Variants in TMEM232 observed in about 807,000 individuals in gnomAD.
The protein encoded by TMEM232 is transmembrane protein 232.
TMEM232 carries 80 observed loss-of-function variants against 78.8 expected under a neutral mutation model. The observed-to-expected ratio is 1.01, with a 90% confidence interval of 0.85 to 1.22. TMEM232 has a LOEUF of 1.22. Among genes scored for constraint, TMEM232 ranks in the 50% most tolerant of loss-of-function variants. The pLI, the probability that TMEM232 is intolerant of heterozygous loss-of-function variation, is 0.00. For missense variants in TMEM232, 881 were observed against 742.2 expected, an observed-to-expected ratio of 1.19 and a Z score of -2.17; for synonymous variants, 297 against 254.3, an observed-to-expected ratio of 1.17 and a Z score of -1.60.
At chr5:110,584,717 C>A (rs939037360) in intron 10 of TMEM232, among the ~76,000 whole-genome samples, 9 of 151,934 alleles carry the variant, frequency 5.9e-5, no homozygotes, top group African/African-American at 2.2e-4. Flanking sequence ...CATTTCTGGA[C>A]CATATTAAAT....
chr5:110,644,988 T>G (rs9326805), intron 2 of TMEM232, among the ~76,000 whole-genome samples: 11,402 of 151,290 alleles, frequency 0.075, 544 homozygotes, highest in South Asian at 0.2. Context: ...CTAGAAGAAA[T>G]GAATAAATTC....
intron 10 of TMEM232, among the ~76,000 whole-genome samples, chr5:110,580,401 G>A (rs985774663): frequency 1.3e-5 from 2 of 151,642 alleles, no homozygotes; most frequent in Admixed American, 6.6e-5. Context: ...TGTAGCCTAG[G>A]AGCAATAGGC....
chr5:110,609,130 T>C (rs917807313), intron 8 of TMEM232, among the ~76,000 whole-genome samples: 3 of 152,056 alleles, frequency 2.0e-5, no homozygotes, highest in African/African-American at 7.2e-5. Flanking sequence ...ATTTTAATTT[T>C]TAAATGGAAT....
chr5:110,706,663 T>C (rs1264111144), intron 1 of TMEM232, among the ~76,000 whole-genome samples: 1 of 152,156 alleles, frequency 6.6e-6, no homozygotes, highest in Non-Finnish European at 1.5e-5. Context: ...ACATTGAATA[T>C]TCTTCCACCC....
intron 5 of TMEM232, among the ~76,000 whole-genome samples, chr5:110,629,121 T>C (rs1172834606): frequency 6.6e-6 from 1 of 151,970 alleles, no homozygotes; most frequent in Non-Finnish European, 1.5e-5. Flanking sequence ...AAAAGAATAC[T>C]GAAATACTCT....
At chr5:110,469,787 C>T (rs1415851183) in intron 12 of TMEM232, among the ~76,000 whole-genome samples, 1 of 152,162 alleles carries the variant, frequency 6.6e-6, no homozygotes, top group Non-Finnish European at 1.5e-5. Context: ...GCTATGTACA[C>T]CACGATTGCA....
At chr5:110,628,013 G>A in intron 5 of TMEM232, 133 bp from the exon 6 acceptor site, 1 of 688,252 alleles carries the variant, frequency 1.5e-6, no homozygotes, top group Non-Finnish European at 2.4e-6. Context: ...AATATTATGT[G>A]GTTTTTAAAT....
At chr5:110,452,475 C>T (rs1760419634) in intron 12 of TMEM232, among the ~76,000 whole-genome samples, 2 of 151,936 alleles carry the variant, frequency 1.3e-5, no homozygotes, top group Admixed American at 1.3e-4. Flanking sequence ...AAAGAAAAAC[C>T]CTGAATTGAT....
At chr5:110,541,244 T>A (rs1773071796) in intron 11 of TMEM232, among the ~76,000 whole-genome samples, 1 of 152,180 alleles carries the variant, frequency 6.6e-6, no homozygotes. Context: ...TCAAGCCTGC[T>A]CATTGTGTGC....
At chr5:110,498,319 AAAAC>A (rs1245200574) in intron 12 of TMEM232, among the ~76,000 whole-genome samples, 4 of 152,152 alleles carry the variant, frequency 2.6e-5, no homozygotes, top group Non-Finnish European at 5.9e-5. Flanking sequence ...AATAAAAACA[AAAAC>A]AAACTAATCA....
At chr5:110,693,584 A>G (rs1289102119) in intron 1 of TMEM232, among the ~76,000 whole-genome samples, 3 of 152,334 alleles carry the variant, frequency 2.0e-5, no homozygotes, top group African/African-American at 7.2e-5. Flanking sequence ...GCTAACTAGA[A>G]TAACCAATGC....
chr5:110,509,141 A>T (rs184672690), intron 12 of TMEM232, among the ~76,000 whole-genome samples: 3,165 of 150,794 alleles, frequency 0.021, 87 homozygotes, highest in African/African-American at 0.068. Context: ...ATTTAAAAAA[A>T]TTTTTTTGGC....
intron 12 of TMEM232, among the ~76,000 whole-genome samples, chr5:110,501,531 C>A (rs551660516): frequency 6.6e-6 from 1 of 152,104 alleles, no homozygotes; most frequent in Non-Finnish European, 1.5e-5. Context: ...AAATTTATTG[C>A]ACTCAAGTGT....
chr5:110,725,617 A>G (rs2150361487), intron 1 of TMEM232: 1 of 152,318 alleles, frequency 6.6e-6, no homozygotes, highest in East Asian at 1.9e-4. Context: ...TATGTGGATT[A>G]CCCAAACCAA....
intron 12 of TMEM232, among the ~76,000 whole-genome samples, chr5:110,513,607 T>A (rs1768127868): frequency 6.6e-6 from 1 of 151,948 alleles, no homozygotes; most frequent in Non-Finnish European, 1.5e-5. Context: ...ACATCACTAA[T>A]CATCAGGGAA....
chr5:110,454,982 T>C (rs1760741839), intron 12 of TMEM232, among the ~76,000 whole-genome samples: 1 of 151,326 alleles, frequency 6.6e-6, no homozygotes, highest in Non-Finnish European at 1.5e-5. Flanking sequence ...AAATTATCAA[T>C]ATTAAAATGA....
chr5:110,417,574 AT>A (rs1339017238), downstream of TMEM232: 3 of 150,918 alleles, frequency 2.0e-5, no homozygotes, highest in Admixed American at 1.3e-4. Flanking sequence ...AGCCATTTAT[AT>A]AAACTTAAAA....
intron 1 of TMEM232, among the ~76,000 whole-genome samples, chr5:110,705,708 G>GTGTATA (rs753783125): frequency 2.8e-5 from 3 of 107,910 alleles, no homozygotes; most frequent in Non-Finnish European, 5.8e-5. Flanking sequence ...ATATGTGTGT[G>GTGTATA]TATATATATA....
chr5:110,662,970 C>T (rs1790007239), intron 2 of TMEM232, among the ~76,000 whole-genome samples: 1 of 151,978 alleles, frequency 6.6e-6, no homozygotes, highest in African/African-American at 2.4e-5. Flanking sequence ...ATTGATATAT[C>T]TGACTTTATA....
Sources: allele counts gnomAD v4.1 joint callset (sites outside exome capture counted in the v4.1 genomes callset), GRCh38; gene constraint gnomAD v4.1.1; transcripts MANE v1.5; gene names NCBI Gene and HGNC (gene_info 2026-07-23, HGNC 2026-07-21).